PTPN12: variants seen among roughly 807,000 people sequenced by gnomAD.
PTPN12 encodes the protein tyrosine-protein phosphatase non-receptor type 12.
A neutral mutation model predicts 97.6 loss-of-function variants in PTPN12; 29 were observed. The ratio of observed to expected loss-of-function variants is 0.30; its 90% CI spans 0.22 to 0.41. PTPN12 has a LOEUF of 0.41. Among genes scored for constraint, PTPN12 ranks in the 10% least tolerant of loss-of-function variants. The pLI is 1.00. For synonymous variants in PTPN12, 327 were observed against 300.4 expected (o/e 1.09, Z -0.91); for missense variants, 819 against 926.0 (o/e 0.88, Z 1.50).
chr7:77,622,447 T>G (rs1788973147), intron 12 of PTPN12, among the ~76,000 whole-genome samples: 1 of 152,128 alleles, frequency 6.6e-6, no homozygotes, highest in Admixed American at 6.6e-5. Context: ...AAATAAGAAC[T>G]GTGGGTAATA....
intron 1 of PTPN12, among the ~76,000 whole-genome samples, chr7:77,552,371 C>T (rs1227389917): frequency 6.6e-6 from 1 of 151,216 alleles, no homozygotes; most frequent in Non-Finnish European, 1.5e-5. Context: ...CATTTAATTT[C>T]TTGTCATTGC....
At chr7:77,634,823 C>T (rs554492046) in intron 14 of PTPN12, among the ~76,000 whole-genome samples, 5 of 151,654 alleles carry the variant, frequency 3.3e-5, no homozygotes, top group South Asian at 2.1e-4. Context: ...CGTGATCGCC[C>T]GCCTCAGCCT....
At chr7:77,544,569 A>G (rs1807130628) in intron 1 of PTPN12, among the ~76,000 whole-genome samples, 2 of 152,250 alleles carry the variant, frequency 1.3e-5, no homozygotes, top group African/African-American at 2.4e-5. Context: ...TAACTTGGAA[A>G]AAGGATTTTT....
intron 2 of PTPN12, among the ~76,000 whole-genome samples, chr7:77,577,963 A>T (rs1309608822): frequency 6.6e-6 from 1 of 152,220 alleles, no homozygotes; most frequent in Non-Finnish European, 1.5e-5. Flanking sequence ...GGATATACAA[A>T]GATTCATTAT....
intron 11 of PTPN12, among the ~76,000 whole-genome samples, chr7:77,612,693 C>G (rs1788609531): frequency 6.6e-6 from 1 of 152,174 alleles, no homozygotes; most frequent in African/African-American, 2.4e-5. Flanking sequence ...CTGCCTCAGC[C>G]TCCCAAGTGC....
chr7:77,560,362 T>A (rs1584108686), intron 1 of PTPN12, among the ~76,000 whole-genome samples: 1 of 152,200 alleles, frequency 6.6e-6, no homozygotes, highest in East Asian at 1.9e-4. Context: ...TTTCTTTCCC[T>A]TAAAAAATTT....
At chr7:77,615,188 G>A (rs1788707948) in intron 11 of PTPN12, among the ~76,000 whole-genome samples, 1 of 152,136 alleles carries the variant, frequency 6.6e-6, no homozygotes, top group Non-Finnish European at 1.5e-5. Context: ...TTAAGTAATA[G>A]CAATAACAGT....
chr7:77,623,608 G>A (rs1789023580), intron 12 of PTPN12, among the ~76,000 whole-genome samples: 2 of 152,242 alleles, frequency 1.3e-5, no homozygotes, highest in African/African-American at 4.8e-5. Flanking sequence ...CTACTTGTGA[G>A]GCTGAGGCAG....
At position 77,571,140 on chromosome 7, in the gene PTPN12, A is replaced by G. The variant is rs1321566139; in HGVS notation, c.162A>G (p.Glu54=). Residue 54 remains glutamate, a synonymous_variant, in exon 2 of 18, where the codon GAA becomes GAG. Coordinates refer to ENST00000248594, the MANE Select transcript of PTPN12 (RefSeq NM_002835.4). ...TEKIYPTATG[E]KEENVKKNRY... ...AGATATATCCCACAGCCACTGGAGA[A>G]AAAGAAGAAAATGTTAAAAAGAACA... 1 of 1,605,768 alleles carries G rather than the reference A, an allele frequency of 6.2e-7. No individual in the cohort carries two copies. Among genetic ancestry groups the G allele is most frequent in the South Asian group, 1.1e-5 (1 of 89,860 alleles).
intron 9 of PTPN12, among the ~76,000 whole-genome samples, chr7:77,609,325 G>A (rs192521052): frequency 6.9e-4 from 103 of 149,290 alleles, no homozygotes; most frequent in Admixed American, 2.5e-3. Flanking sequence ...AGGCTGGAGG[G>A]CAGTGGTGTA....
chr7:77,624,792 A>G (rs1789074245), intron 12 of PTPN12, among the ~76,000 whole-genome samples: 1 of 152,002 alleles, frequency 6.6e-6, no homozygotes, highest in South Asian at 2.1e-4. Context: ...ACTGCCAGTT[A>G]TCTGGTTGGA....
At chr7:77,612,497 G>A (rs969775226) in intron 11 of PTPN12, among the ~76,000 whole-genome samples, 4 of 152,166 alleles carry the variant, frequency 2.6e-5, no homozygotes, top group African/African-American at 4.8e-5. Flanking sequence ...GGAGTGCAAT[G>A]GTGCAATCTT....
rs539583779 is a variant in PTPN12 at position 77,573,830 on chromosome 7, C to T, written c.208+2644C>T. 4.3e-4 allele frequency among the ~76,000 whole-genome samples: 65 copies of T among 152,206 alleles called. No individual in the cohort carries two copies. In the Middle Eastern group the frequency reaches 0.01, roughly 24 times the overall value. On this transcript the variant is annotated intron_variant, in intron 2 of 17. Coordinates refer to ENST00000248594, the MANE Select transcript of PTPN12 (RefSeq NM_002835.4). ...GGCTGGAGTGCAGTGGTGCGATCTCCGCACACTATAACCTCTGCCTACCAG... is the reference window on the plus strand; with the variant it reads ...GGCTGGAGTGCAGTGGTGCGATCTCTGCACACTATAACCTCTGCCTACCAG...
At chr7:77,631,117 T>C (rs976554582) in intron 13 of PTPN12, among the ~76,000 whole-genome samples, 5 of 152,136 alleles carry the variant, frequency 3.3e-5, no homozygotes, top group Non-Finnish European at 7.4e-5. Context: ...ATCTCTTCAC[T>C]GTGCGCTGTT....
At chr7:77,593,671 A>C (rs1466483808) in intron 6 of PTPN12, among the ~76,000 whole-genome samples, 1 of 152,260 alleles carries the variant, frequency 6.6e-6, no homozygotes, top group Non-Finnish European at 1.5e-5. Context: ...GAGGCCCAAC[A>C]ACATTATGGA....
chr7:77,627,355 A>G lies in PTPN12; in HGVS notation c.1676A>G (p.Asn559Ser), dbSNP rs61757751. 2.8e-5 allele frequency: 46 copies of G among 1,614,112 alleles called. No homozygotes were observed. The highest frequency in any genetic ancestry group is 1.6e-4 in the Middle Eastern group (1 of 6,062). Residue 559 changes from asparagine to serine, a missense_variant, in exon 13 of 18, where the codon AAC becomes AGC. Asn to Ser is a conservative substitution (Grantham distance 46). Around this residue, in one of 5 missense-constraint regions of PTPN12, gnomAD observed 607 missense variants for 577.3 expected, o/e 1.05. Transcript: ENST00000248594. ...DLSEGNSSDI[N>S]YQTRKTVSLT... ...TCTGAAGGCAATTCCTCAGATATCA[A>G]CTATCAAACTAGGAAAACTGTGAGT...
chr7:77,543,757 A>G (rs544439123), intron 1 of PTPN12, among the ~76,000 whole-genome samples: 1 of 152,322 alleles, frequency 6.6e-6, no homozygotes, highest in East Asian at 1.9e-4. Flanking sequence ...ATATAAATGG[A>G]ATCATACAAT....
At chr7:77,561,139 T>C (rs1454950860) in intron 1 of PTPN12, among the ~76,000 whole-genome samples, 1 of 152,212 alleles carries the variant, frequency 6.6e-6, no homozygotes, top group African/African-American at 2.4e-5. Flanking sequence ...CAGACTGGTC[T>C]TGAACTCCTC....
intron 2 of PTPN12, among the ~76,000 whole-genome samples, chr7:77,572,448 T>C (rs1430123084): frequency 6.6e-6 from 1 of 152,184 alleles, no homozygotes; most frequent in Non-Finnish European, 1.5e-5. Context: ...AATTTTCTTC[T>C]TCCATGATAA....
Sources: gnomAD v4.1 joint callset for allele counts (sites outside exome capture counted in the v4.1 genomes callset) on GRCh38, gnomAD v4.1.1 for gene constraint, gnomAD v4.1.1 regional missense constraint, MANE v1.5 for transcripts, NCBI Gene and HGNC (gene_info 2026-07-23, HGNC 2026-07-21) for gene names.